Variants in SDC1 observed in about 807,000 individuals in gnomAD.
SDC1 encodes the protein syndecan 1, also known as syndecan-1.
In SDC1, 14 loss-of-function variants were observed where a neutral mutation model predicts 29.7. The ratio of observed to expected loss-of-function variants is 0.47; its 90% CI spans 0.31 to 0.74. The LOEUF is 0.74. Ranked by LOEUF, SDC1 falls within the 30% of genes least tolerant of loss-of-function variation. The pLI is 0.05. For missense variants in SDC1, 406 were observed against 400.3 expected, an observed-to-expected ratio of 1.01 and a Z score of -0.12; for synonymous variants, 204 against 175.5, an observed-to-expected ratio of 1.16 and a Z score of -1.29.
intron 1 of SDC1, among the ~76,000 whole-genome samples, chr2:20,217,532 G>A (rs1454499885): frequency 6.6e-6 from 1 of 152,112 alleles, no homozygotes; most frequent in Non-Finnish European, 1.5e-5. Flanking sequence ...TTCCCCCTAT[G>A]TCACAGATGG....
intron 1 of SDC1, among the ~76,000 whole-genome samples, chr2:20,210,873 C>T (rs545240410): frequency 8.5e-5 from 13 of 152,204 alleles, no homozygotes; most frequent in African/African-American, 2.9e-4. Flanking sequence ...CTCCCCATCC[C>T]GAGATTCCAC....
intron 1 of SDC1, among the ~76,000 whole-genome samples, chr2:20,206,546 G>A (rs1677277804): frequency 6.6e-6 from 1 of 152,144 alleles, no homozygotes; most frequent in Non-Finnish European, 1.5e-5. Context: ...GGCTTTGAGA[G>A]CCCTATTCAC....
Position 20,224,755 on chromosome 2 carries a change from G to A in SDC1, c.66+47C>T. 1 of 1,294,538 alleles carries A rather than the reference G, an allele frequency of 7.7e-7. No homozygotes were observed. Among genetic ancestry groups the A allele is most frequent in the Non-Finnish European group, 9.8e-7 (1 of 1,020,948 alleles). The allele number at this position is 1,294,538 out of a possible 1,614,324, so 80.2% of individuals were successfully genotyped here. A position where few individuals can be genotyped will look rare whatever the true frequency, so the allele number is the denominator to read the frequency against. On this transcript the variant is annotated intron_variant, in intron 1 of 4. Transcript: ENST00000254351. This position sits in a 1 kb window ranked among gnomAD's most constrained non-coding sequence, Gnocchi z 4.9. ...ACCCGCCGGCATCCGCGGGTGACCA[G>A]TCCCGGCTTCCCGCCGCCTCCCCGC...
At chr2:20,205,239 T>C (rs1394438188) in intron 2 of SDC1, 104 bp downstream of exon 2, 5 of 872,344 alleles carry the variant, frequency 5.7e-6, no homozygotes, top group South Asian at 4.2e-5. Context: ...GCAGGCAGGG[T>C]GCACTCAGTA....
At chr2:20,215,476 T>C (rs1180359796) in intron 1 of SDC1, among the ~76,000 whole-genome samples, 1 of 152,238 alleles carries the variant, frequency 6.6e-6, no homozygotes, top group Non-Finnish European at 1.5e-5. Context: ...TTGCAGGCCC[T>C]GTTAACGTCA....
chr2:20,214,108 A>G (rs1304602480), intron 1 of SDC1, among the ~76,000 whole-genome samples: 1 of 152,166 alleles, frequency 6.6e-6, no homozygotes, highest in Non-Finnish European at 1.5e-5. Flanking sequence ...ACAGGATTAC[A>G]ACAGAGAGGC....
At chr2:20,203,779 A>T (rs747054646) in intron 3 of SDC1, 34 bp downstream of exon 3, 3 of 1,465,852 alleles carry the variant, frequency 2.0e-6, no homozygotes, top group Admixed American at 4.4e-5. Flanking sequence ...GGACCAACCC[A>T]CTCAATTTCC....
chr2:20,214,388 G>A (rs1466482956), intron 1 of SDC1, among the ~76,000 whole-genome samples: 3 of 152,200 alleles, frequency 2.0e-5, no homozygotes, highest in Admixed American at 2.0e-4. Flanking sequence ...GGGAGGGTGG[G>A]GCTGGTCCCT....
chr2:20,219,451 G>A (rs894177515), intron 1 of SDC1, among the ~76,000 whole-genome samples: 1 of 152,232 alleles, frequency 6.6e-6, no homozygotes, highest in African/African-American at 2.4e-5. Context: ...AGTTGCTGAA[G>A]TAGCCCCAAG....
intron 1 of SDC1, chr2:20,223,317 C>T: frequency 7.8e-7 from 1 of 1,289,168 alleles, no homozygotes; most frequent in South Asian, 1.2e-5. Flanking sequence ...CAATAACTGG[C>T]AGCTACTACA....
intron 1 of SDC1, 108 bp from the exon 2 acceptor site, chr2:20,205,532 A>C: frequency 2.4e-6 from 2 of 843,548 alleles, no homozygotes; most frequent in East Asian, 5.1e-5. Flanking sequence ...TGTGCTGCAC[A>C]GGTACACAGG....
Position 20,220,853 on chromosome 2 carries a change from A to C in SDC1, c.66+3949T>G, listed in dbSNP as rs1399783469. Among the ~76,000 whole-genome samples the C allele has an allele frequency of 2.6e-5, 4 of 152,220 alleles. No homozygotes were observed. In the South Asian group the frequency reaches 8.3e-4, roughly 32 times the overall value. ...ATATAGAAACAGGAACTAAAATCCA[A>C]ATCAAACATGTGGTGAAGAGTTGGG... On this transcript the variant is annotated intron_variant, in intron 1 of 4. Transcript: ENST00000254351.
At chr2:20,223,286 G>C in intron 1 of SDC1, 1 of 1,180,960 alleles carries the variant, frequency 8.5e-7, no homozygotes, top group East Asian at 6.2e-5. Flanking sequence ...ACTCTGTAAA[G>C]AAAAAAAAAA....
rs1677073561 is a variant in SDC1 at position 20,202,842 on chromosome 2, T to C, written c.857A>G (p.Tyr286Cys). The change falls in exon 5 of 5, where the codon TAC becomes TGC. Residue 286 changes from tyrosine to cysteine, a missense_variant. Transcript: ENST00000254351. ...GGCTTGTTTCGGCTCCTCCAAGGAG[T>C]AGCTGCCTTCGTCCTTCTTCTTCAT... Reference protein sequence around the residue: ...YRMKKKDEGSYSLEEPKQANG... With the variant: ...YRMKKKDEGSCSLEEPKQANG... 6.2e-7 allele frequency: 1 copy of C among 1,613,432 alleles called. No homozygotes were observed. Among genetic ancestry groups the C allele is most frequent in the Non-Finnish European group, 8.5e-7 (1 of 1,179,780 alleles).
intron 1 of SDC1, among the ~76,000 whole-genome samples, chr2:20,218,530 C>CACACACACACACAG (rs1209184771): frequency 6.8e-6 from 1 of 146,188 alleles, no homozygotes; most frequent in Non-Finnish European, 1.5e-5. Context: ...CACACACAGA[C>CACACACACACACAG]ACACACACAC....
intron 1 of SDC1, among the ~76,000 whole-genome samples, chr2:20,221,140 C>T (rs1677802536): frequency 6.6e-6 from 1 of 152,098 alleles, no homozygotes. Flanking sequence ...GCAACAGGTC[C>T]CAGCTGAAGT....
intron 1 of SDC1, among the ~76,000 whole-genome samples, chr2:20,216,673 C>T (rs1203078592): frequency 6.6e-6 from 1 of 152,196 alleles, no homozygotes; most frequent in Non-Finnish European, 1.5e-5. Flanking sequence ...TCAGCGGCCA[C>T]CACTGGTATT....
At chr2:20,215,521 C>G (rs543521145) in intron 1 of SDC1, among the ~76,000 whole-genome samples, 1 of 152,246 alleles carries the variant, frequency 6.6e-6, no homozygotes, top group African/African-American at 2.4e-5. Flanking sequence ...GCCATTCACA[C>G]AGAGTGACTC....
intron 1 of SDC1, chr2:20,223,373 A>C (rs1677882152): frequency 9.3e-7 from 1 of 1,078,502 alleles, no homozygotes; most frequent in African/African-American, 1.6e-5. Context: ...ACTTGTCCAG[A>C]TGCCACATTA....
Sources: gnomAD v4.1 joint callset for allele counts (sites outside exome capture counted in the v4.1 genomes callset) on GRCh38, gnomAD v4.1.1 for gene constraint, Gnocchi (gnomAD v3.1) non-coding constraint, MANE v1.5 for transcripts, NCBI Gene and HGNC (gene_info 2026-07-23, HGNC 2026-07-21) for gene names.